Variants in C12orf56 observed in about 807,000 individuals in gnomAD.
C12orf56 encodes the protein uncharacterized protein C12orf56.
A neutral mutation model predicts 69.9 loss-of-function variants in C12orf56; 71 were observed. That is an observed-to-expected ratio of 1.02 (90% CI 0.84 to 1.24). The LOEUF is 1.24. C12orf56 is among the 50% of genes most tolerant of loss of function. C12orf56 has a pLI of 0.00. For synonymous variants in C12orf56, 276 were observed against 274.1 expected (o/e 1.01, Z -0.07); for missense variants, 732 against 738.5 (o/e 0.99, Z 0.10).
At chr12:64,347,327 C>T (rs2039158431) in intron 2 of C12orf56, among the ~76,000 whole-genome samples, 1 of 144,158 alleles carries the variant, frequency 6.9e-6, no homozygotes, top group Non-Finnish European at 1.5e-5. Context: ...GCTCTGTCTC[C>T]CAGGCTGGAG....
intron 12 of C12orf56, among the ~76,000 whole-genome samples, chr12:64,268,746 T>C (rs1432257884): frequency 1.3e-5 from 2 of 151,878 alleles, no homozygotes; most frequent in Non-Finnish European, 1.5e-5. Flanking sequence ...AGTGAGGAGG[T>C]GCAAGAGGGA....
chr12:64,311,009 G>C (rs2038604437), intron 5 of C12orf56, among the ~76,000 whole-genome samples: 1 of 151,988 alleles, frequency 6.6e-6, no homozygotes, highest in South Asian at 2.1e-4. Flanking sequence ...CAGAATGATG[G>C]TTTCCAGCTT....
intron 2 of C12orf56, among the ~76,000 whole-genome samples, chr12:64,340,952 A>G (rs1384290382): frequency 6.6e-6 from 1 of 152,200 alleles, no homozygotes. Flanking sequence ...CAAAGGGCAT[A>G]GTAACACTAA....
At chr12:64,371,903 C>A (rs796156897) in intron 1 of C12orf56, among the ~76,000 whole-genome samples, 28 of 121,888 alleles carry the variant, frequency 2.3e-4, no homozygotes, top group Admixed American at 1.0e-3. Context: ...GCAATGATTT[C>A]TTTTTTTTTT....
At chr12:64,336,532 A>T (rs1182451182) in intron 2 of C12orf56, among the ~76,000 whole-genome samples, 2 of 152,204 alleles carry the variant, frequency 1.3e-5, no homozygotes, top group African/African-American at 4.8e-5. Flanking sequence ...TATGCATTTA[A>T]GGCAACCAAC....
chr12:64,298,751 G>A (rs543868943), intron 6 of C12orf56, among the ~76,000 whole-genome samples: 1 of 152,202 alleles, frequency 6.6e-6, no homozygotes, highest in South Asian at 2.1e-4. Context: ...TGTCTGTTTT[G>A]GTACCAGTAC....
intron 3 of C12orf56, among the ~76,000 whole-genome samples, chr12:64,329,972 T>C (rs1219167085): frequency 1.3e-5 from 2 of 152,142 alleles, no homozygotes; most frequent in Non-Finnish European, 2.9e-5. Context: ...TCGTGAATAA[T>C]GCTGCAATAA....
intron 1 of C12orf56, among the ~76,000 whole-genome samples, chr12:64,357,968 C>T (rs2039342728): frequency 6.6e-6 from 1 of 152,066 alleles, no homozygotes; most frequent in Admixed American, 6.6e-5. Flanking sequence ...CCCTACAAAG[C>T]CTCCATCACT....
chr12:64,373,730 A>C (rs2039604090), intron 1 of C12orf56, among the ~76,000 whole-genome samples: 2 of 152,336 alleles, frequency 1.3e-5, no homozygotes, highest in South Asian at 4.1e-4. Context: ...CAAAGAATCT[A>C]AAAGAGGACC....
chr12:64,370,860 G>T (rs2039560898), intron 1 of C12orf56, among the ~76,000 whole-genome samples: 1 of 151,786 alleles, frequency 6.6e-6, no homozygotes, highest in Non-Finnish European at 1.5e-5. Flanking sequence ...AGAATAGAGA[G>T]CCCAGAGCCA....
At chr12:64,308,365 CAT>C (rs764545541) in intron 5 of C12orf56, among the ~76,000 whole-genome samples, 9 of 151,968 alleles carry the variant, frequency 5.9e-5, no homozygotes, top group Non-Finnish European at 1.3e-4. Context: ...ATAAATAAAA[CAT>C]AAAAATGTTT....
At chr12:64,324,617 G>A (rs2038815467) in intron 3 of C12orf56, among the ~76,000 whole-genome samples, 1 of 152,212 alleles carries the variant, frequency 6.6e-6, no homozygotes, top group Non-Finnish European at 1.5e-5. Context: ...GGTAGGCAAC[G>A]GCCAGTTCTT....
intron 1 of C12orf56, among the ~76,000 whole-genome samples, chr12:64,367,016 A>G (rs1392095832): frequency 2.1e-4 from 9 of 43,212 alleles, no homozygotes; most frequent in African/African-American, 9.5e-4. Flanking sequence ...TATATATAAC[A>G]TACACTTTAT....
Position 64,358,056 on chromosome 12 carries a change from T to G in C12orf56, c.253-5000A>C, listed in dbSNP as rs2039343856. Among the ~76,000 whole-genome samples, 3 of 152,190 alleles carry G rather than the reference T, an allele frequency of 2.0e-5. No individual in the cohort carries two copies. In the South Asian group the frequency reaches 6.2e-4, roughly 32 times the overall value. The stretch of plus-strand genomic sequence containing the variant: ...TTTGTGTATGTAAAAGGAGGGATGA[T>G]GACAGGTGTGATAAAAAGAAACTAT... On this transcript the variant is annotated intron_variant, in intron 1 of 12. Transcript: ENST00000543942.
chr12:64,372,318 C>T (rs1192731403), intron 1 of C12orf56, among the ~76,000 whole-genome samples: 3 of 152,054 alleles, frequency 2.0e-5, no homozygotes, highest in Non-Finnish European at 4.4e-5. Context: ...AAAAAAAACC[C>T]TAAGAGTTTA....
At chr12:64,370,213 C>T (rs1043067286) in intron 1 of C12orf56, among the ~76,000 whole-genome samples, 8 of 148,296 alleles carry the variant, frequency 5.4e-5, no homozygotes, top group African/African-American at 1.7e-4. Flanking sequence ...GGTGTGGTGG[C>T]GGGCACCTGT....
intron 1 of C12orf56, among the ~76,000 whole-genome samples, chr12:64,380,798 G>A (rs561866438): frequency 2.6e-4 from 40 of 152,294 alleles, no homozygotes; most frequent in African/African-American, 9.6e-4. Flanking sequence ...AAGAACGTGG[G>A]GAAGAGTGGT....
chr12:64,273,334 G>A (rs1429294504), intron 11 of C12orf56, among the ~76,000 whole-genome samples: 3 of 151,340 alleles, frequency 2.0e-5, no homozygotes, highest in Non-Finnish European at 2.9e-5. Context: ...ATATTACCTC[G>A]TGTCCATCAG....
chr12:64,289,803 A>G lies in C12orf56; in HGVS notation c.1114-3743T>C, dbSNP rs1412975421. On this transcript the variant is annotated intron_variant, in intron 6 of 12. Coordinates refer to ENST00000543942, the MANE Select transcript of C12orf56 (RefSeq NM_001170633.2). ...CAATGTTCATCAAGGATAGTGGTCTAAAATTCTCTTTTTTGGTTGTGTCTC... is the reference window on the plus strand; with the variant it reads ...CAATGTTCATCAAGGATAGTGGTCTGAAATTCTCTTTTTTGGTTGTGTCTC... 4.1e-3 allele frequency among the ~76,000 whole-genome samples: 207 copies of G among 50,036 alleles called. 77 individuals are homozygous for G. The highest frequency in any genetic ancestry group is 0.01 in the Non-Finnish European group (179 of 17,728). The allele number at this position is 50,036 out of a possible 152,430, so 32.8% of individuals were successfully genotyped here.
Sources: allele counts gnomAD v4.1 joint callset (sites outside exome capture counted in the v4.1 genomes callset), GRCh38; gene constraint gnomAD v4.1.1; transcripts MANE v1.5; gene names NCBI Gene and HGNC (gene_info 2026-07-23, HGNC 2026-07-21).